Variants in SLC44A5 observed in about 807,000 individuals in gnomAD.
SLC44A5 encodes choline transporter-like protein 5.
A neutral mutation model predicts 101.8 loss-of-function variants in SLC44A5; 57 were observed. The ratio of observed to expected loss-of-function variants is 0.56; its 90% CI spans 0.45 to 0.70. The LOEUF (loss-of-function observed/expected upper bound fraction) is 0.70. Among genes scored for constraint, SLC44A5 ranks in the 30% least tolerant of loss-of-function variants. SLC44A5 has a pLI of 0.00. For synonymous variants in SLC44A5, 281 were observed against 290.9 expected, an observed-to-expected ratio of 0.97 and a Z score of 0.35; for missense variants, 737 against 853.1, an observed-to-expected ratio of 0.86 and a Z score of 1.70.
chr1:75,311,990 CTTGAA>C (rs1655339318), intron 4 of SLC44A5, among the ~76,000 whole-genome samples: 1 of 152,124 alleles, frequency 6.6e-6, no homozygotes, highest in African/African-American at 2.4e-5. Context: ...CAAACTTCAT[CTTGAA>C]TTGTAGTTCC....
chr1:75,340,425 G>T (rs78988071), intron 3 of SLC44A5, among the ~76,000 whole-genome samples: 1 of 152,046 alleles, frequency 6.6e-6, no homozygotes, highest in African/African-American at 2.4e-5. Flanking sequence ...TGTTCCTCTA[G>T]GGATTTGTCC....
chr1:75,559,547 A>G (rs1672406023), intron 1 of SLC44A5, among the ~76,000 whole-genome samples: 1 of 152,188 alleles, frequency 6.6e-6, no homozygotes, highest in Non-Finnish European at 1.5e-5. Flanking sequence ...CAAAGGCAGT[A>G]TCTGAACTGG....
chr1:75,260,415 A>C (rs1315249412), intron 6 of SLC44A5, among the ~76,000 whole-genome samples: 1 of 152,196 alleles, frequency 6.6e-6, no homozygotes, highest in Non-Finnish European at 1.5e-5. Context: ...ACAAAGATCA[A>C]AAGAGACAAA....
intron 3 of SLC44A5, among the ~76,000 whole-genome samples, chr1:75,351,868 A>AAAAAAAAGAGAG (rs1553165361): frequency 3.4e-5 from 2 of 58,534 alleles, no homozygotes; most frequent in Non-Finnish European, 7.4e-5. Flanking sequence ...AAAAAAAAAA[A>AAAAAAAAGAGAG]AGAGAGAGAG....
At chr1:75,485,649 A>G (rs1327039784) in intron 2 of SLC44A5, among the ~76,000 whole-genome samples, 11 of 152,176 alleles carry the variant, frequency 7.2e-5, no homozygotes, top group Non-Finnish European at 1.6e-4. Context: ...ATTTTCAGGT[A>G]TCTTTATAGC....
At chr1:75,576,946 G>A (rs1388315457) in intron 1 of SLC44A5, among the ~76,000 whole-genome samples, 1 of 152,112 alleles carries the variant, frequency 6.6e-6, no homozygotes, top group Non-Finnish European at 1.5e-5. Flanking sequence ...ATGTCTAATG[G>A]GCATCTCAAA....
chr1:75,390,895 T>A (rs945914150), intron 3 of SLC44A5, among the ~76,000 whole-genome samples: 1 of 152,018 alleles, frequency 6.6e-6, no homozygotes, highest in African/African-American at 2.4e-5. Flanking sequence ...GAAAAGAATA[T>A]GTAAAATTGT....
chr1:75,232,472 G>A (rs4609385), intron 12 of SLC44A5, among the ~76,000 whole-genome samples: 42,850 of 151,566 alleles, frequency 0.28, 6,326 homozygotes, highest in Middle Eastern at 0.36. Flanking sequence ...TTCTGATTAG[G>A]GCATGAAAGT....
chr1:75,238,662 T>A (rs1648346409), intron 9 of SLC44A5, 26 bp from the exon 10 acceptor site: 2 of 1,451,584 alleles, frequency 1.4e-6, no homozygotes. Context: ...AAAATTATTG[T>A]AATCACTTTT....
intron 6 of SLC44A5, among the ~76,000 whole-genome samples, chr1:75,268,322 C>G (rs1296464062): frequency 6.6e-6 from 1 of 152,182 alleles, no homozygotes; most frequent in Non-Finnish European, 1.5e-5. Flanking sequence ...GAGAGTGCTT[C>G]CCTCACCCCG....
chr1:75,362,631 T>G (rs951297501), intron 3 of SLC44A5, among the ~76,000 whole-genome samples: 2 of 152,096 alleles, frequency 1.3e-5, no homozygotes, highest in African/African-American at 4.8e-5. Context: ...CTTTTATGAT[T>G]TCTAGTTTTG....
rs35527065 is a variant in SLC44A5, at chr1:75,327,085, ATTT to A, written c.101+12494_101+12496del. ...GTTTTCACCATTGTTTCTAAGCTTTATTTTTTTTTTTTTACTGTCTGATAGTAA... is the reference window on the plus strand; with the variant it reads ...GTTTTCACCATTGTTTCTAAGCTTTATTTTTTTTTTACTGTCTGATAGTAA... On this transcript the variant is annotated intron_variant, in intron 4 of 23. Coordinates refer to ENST00000370859, the MANE Select transcript of SLC44A5 (RefSeq NM_001130058.2). Among the ~76,000 whole-genome samples, 327 of 148,704 alleles carry A rather than the reference ATTT, an allele frequency of 2.2e-3. 4 individuals carry two copies. The highest frequency in any genetic ancestry group is 6.8e-3 in the African/African-American group (276 of 40,586).
At chr1:75,571,957 A>C (rs974940820) in intron 1 of SLC44A5, among the ~76,000 whole-genome samples, 3 of 152,214 alleles carry the variant, frequency 2.0e-5, no homozygotes, top group Non-Finnish European at 4.4e-5. Flanking sequence ...TTATCAGCAA[A>C]ACTAAGTGCT....
chr1:75,328,015 T>G (rs1036084745), intron 4 of SLC44A5, among the ~76,000 whole-genome samples: 1 of 152,154 alleles, frequency 6.6e-6, no homozygotes, highest in Non-Finnish European at 1.5e-5. Flanking sequence ...GGGTCCTAGT[T>G]CACCATCTCC....
At chr1:75,719,805 T>C in the SLC44A5 span, among the ~76,000 whole-genome samples, 15 of 152,180 alleles carry the variant, frequency 9.9e-5, no homozygotes, top group African/African-American at 3.4e-4. Flanking sequence ...ACGAAGCCTG[T>C]CAATCTCCCT....
At chr1:75,515,444 C>T (rs979677496) in intron 2 of SLC44A5, among the ~76,000 whole-genome samples, 1 of 151,982 alleles carries the variant, frequency 6.6e-6, no homozygotes, top group African/African-American at 2.4e-5. Context: ...CCCCACACAC[C>T]TCAGCCTCTG....
intron 2 of SLC44A5, among the ~76,000 whole-genome samples, chr1:75,422,066 A>T (rs1664040940): frequency 6.6e-6 from 1 of 151,904 alleles, no homozygotes; most frequent in African/African-American, 2.4e-5. Context: ...TGTTAAAACC[A>T]CTGGTGTGTG....
intron 4 of SLC44A5, among the ~76,000 whole-genome samples, chr1:75,305,772 CCA>C (rs1654852811): frequency 6.6e-6 from 1 of 152,314 alleles, no homozygotes; most frequent in South Asian, 2.1e-4. Flanking sequence ...CAAAAAAGCT[CCA>C]GTGTGGATCG....
chr1:75,636,518 A>C, the SLC44A5 span, among the ~76,000 whole-genome samples: 25 of 152,128 alleles, frequency 1.6e-4, no homozygotes, highest in African/African-American at 4.8e-4. Context: ...AATTCAGATA[A>C]TACTACTTCC....
Sources: gnomAD v4.1 joint callset for allele counts (sites outside exome capture counted in the v4.1 genomes callset) on GRCh38, gnomAD v4.1.1 for gene constraint, MANE v1.5 for transcripts, NCBI Gene and HGNC (gene_info 2026-07-23, HGNC 2026-07-21) for gene names.